Variants in MDM1 observed in about 807,000 individuals in gnomAD.
MDM1 encodes the protein Mdm1 nuclear protein.
In MDM1, 61 loss-of-function variants were observed where a neutral mutation model predicts 89.1. The ratio of observed to expected loss-of-function variants is 0.68; its 90% CI spans 0.56 to 0.85. The LOEUF (loss-of-function observed/expected upper bound fraction) is 0.85, where lower values mean the gene tolerates loss of function less well. Among genes scored for constraint, MDM1 ranks in the 40% least tolerant of loss-of-function variants. The pLI is 0.00. For synonymous variants in MDM1, 290 were observed against 294.1 expected (o/e 0.99, Z 0.14); for missense variants, 820 against 846.5 (o/e 0.97, Z 0.39).
intron 3 of MDM1, chr12:68,326,377 G>A: frequency 7.0e-7 from 1 of 1,434,672 alleles, no homozygotes; most frequent in Non-Finnish European, 9.1e-7. Flanking sequence ...CTCTCCCTTA[G>A]GACTCAGGTG....
rs750688989 is a variant in MDM1 at position 68,316,061 on chromosome 12, C to T, written c.1211+17G>A. On this transcript the variant is annotated intron_variant, in intron 9 of 14. Coordinates refer to ENST00000682720, the MANE Select transcript of MDM1 (RefSeq NM_001354969.2). ...GCTTCAACAAACTTTTTTTGCCATC[C>T]ACAAAGAATATCTCACCCAGCAAGA... The T allele has an allele frequency of 6.4e-7, 1 of 1,570,820 alleles. No individual in the cohort carries two copies. The highest frequency in any genetic ancestry group is 8.6e-7 in the Non-Finnish European group (1 of 1,158,054).
chr12:68,302,664 C>T lies in MDM1; in HGVS notation c.1958G>A (p.Arg653Gln), dbSNP rs1180512506. The T allele has an allele frequency of 2.5e-6, 4 of 1,613,562 alleles. No homozygotes were observed. The highest frequency in any genetic ancestry group is 1.3e-5 in the African/African-American group (1 of 74,820). Residue 653 changes from arginine (R) to glutamine (Q), a missense_variant, in exon 13 of 15, where the codon CGA (arginine) becomes CAA (glutamine). Transcript: ENST00000682720. ...PHVPSYWHPSRRIQGSLRDPE... is the reference protein window; with the variant it reads ...PHVPSYWHPSQRIQGSLRDPE... ...ATCTCTAAGAGAGCCCTGAATTCGT[C>T]GAGAGGGATGCCAGTAGGATGGAAC...
At chr12:68,303,007 G>T in intron 12 of MDM1, 135 bp from the exon 13 acceptor site, 1 of 767,692 alleles carries the variant, frequency 1.3e-6, no homozygotes, top group Non-Finnish European at 2.0e-6. Context: ...CAACATCTAT[G>T]TGGGGAAGAT....
intron 14 of MDM1, 24 bp from the exon 15 acceptor site, chr12:68,295,390 T>A (rs751772294): frequency 6.2e-6 from 9 of 1,446,638 alleles, no homozygotes; most frequent in Non-Finnish European, 7.7e-6. Context: ...ATCCCGAGAT[T>A]ATATTCATTG....
intron 7 of MDM1, among the ~76,000 whole-genome samples, chr12:68,318,143 C>T (rs1465813585): frequency 1.3e-5 from 2 of 152,120 alleles, no homozygotes; most frequent in East Asian, 1.9e-4. Context: ...CTCAGTGAGC[C>T]AACCTGTACA....
At chr12:68,297,019 A>T (rs754383480) in intron 13 of MDM1, 37 bp from the exon 14 acceptor site, 1 of 1,507,074 alleles carries the variant, frequency 6.6e-7, no homozygotes, top group Admixed American at 2.0e-5. Flanking sequence ...TATCCTTCAA[A>T]AGCCACTGAA....
intron 13 of MDM1, among the ~76,000 whole-genome samples, chr12:68,300,476 T>C (rs1453008519): frequency 6.6e-6 from 1 of 152,142 alleles, no homozygotes; most frequent in Non-Finnish European, 1.5e-5. Context: ...GGAAAAGATA[T>C]TCCATGCAAA....
chr12:68,318,636 G>A (rs1874809459), intron 7 of MDM1, among the ~76,000 whole-genome samples: 1 of 151,836 alleles, frequency 6.6e-6, no homozygotes, highest in African/African-American at 2.4e-5. Flanking sequence ...AAAAAGAGGA[G>A]GAAAAAAATC....
chr12:68,316,294 C>T (rs774661879), intron 8 of MDM1, 41 bp from the exon 9 acceptor site: 17 of 1,545,278 alleles, frequency 1.1e-5, no homozygotes, highest in Non-Finnish European at 1.4e-5. Context: ...ATTGTAAATG[C>T]TTCTTTACAA....
chr12:68,301,047 T>C (rs952085570), intron 13 of MDM1, among the ~76,000 whole-genome samples: 1 of 152,190 alleles, frequency 6.6e-6, no homozygotes, highest in Middle Eastern at 3.2e-3. Flanking sequence ...AATAATCTGC[T>C]CTTGAATGAT....
intron 2 of MDM1, chr12:68,327,562 C>T (rs1876190518): frequency 1.3e-6 from 2 of 1,486,438 alleles, no homozygotes; most frequent in Non-Finnish European, 1.8e-6. Context: ...GATACAATTT[C>T]TCTATATTTC....
intron 5 of MDM1, among the ~76,000 whole-genome samples, chr12:68,322,167 G>A (rs1461724053): frequency 1.3e-5 from 2 of 151,946 alleles, no homozygotes; most frequent in Admixed American, 6.6e-5. Flanking sequence ...AACATTCCAG[G>A]AGATTCAAAA....
At chr12:68,310,615 G>A (rs11177159) in intron 12 of MDM1, among the ~76,000 whole-genome samples, 12,311 of 152,128 alleles carry the variant, frequency 0.081, 1,626 homozygotes, top group African/African-American at 0.28. Flanking sequence ...TAATAAACCA[G>A]TGTATACATA....
intron 13 of MDM1, among the ~76,000 whole-genome samples, chr12:68,302,139 T>A (rs142864413): frequency 1.3e-5 from 2 of 152,164 alleles, no homozygotes; most frequent in East Asian, 1.9e-4. Context: ...GAAGAGAAGA[T>A]CCCAAAAGCT....
chr12:68,332,229 T>C lies in MDM1; in HGVS notation c.17A>G (p.Lys6Arg), dbSNP rs1876944761. 1.9e-6 allele frequency: 3 copies of C among 1,579,954 alleles called. No homozygotes were observed. The highest frequency in any genetic ancestry group is 2.6e-6 in the Non-Finnish European group (3 of 1,163,644). The part of the protein sequence containing the change: MPVRF[K>R]GLSEYQRNFL... ...CCGGCCCGGGGACCCCAGCCTCACCTTGAAGCGCACCGGCATGTCGCCCGG... is the reference window on the plus strand; with the variant it reads ...CCGGCCCGGGGACCCCAGCCTCACCCTGAAGCGCACCGGCATGTCGCCCGG... Residue 6 changes from lysine (K) to arginine (R), a missense_variant and splice_region_variant, in exon 1 of 15, where the codon AAG becomes AGG. Physicochemically the swap from Lys to Arg is conservative, Grantham distance 26. Coordinates refer to ENST00000682720, the MANE Select transcript of MDM1 (RefSeq NM_001354969.2).
At chr12:68,316,319 C>T in intron 8 of MDM1, 66 bp from the exon 9 acceptor site, 1 of 1,484,758 alleles carries the variant, frequency 6.7e-7, no homozygotes, top group Non-Finnish European at 9.1e-7. Context: ...CACCAAGTAG[C>T]ATATCAAAGA....
At chr12:68,322,588 C>T (rs529561664) in intron 5 of MDM1, among the ~76,000 whole-genome samples, 9 of 152,184 alleles carry the variant, frequency 5.9e-5, no homozygotes, top group East Asian at 1.9e-4. Context: ...GAGCCGAGAT[C>T]GTGCCACTGC....
intron 12 of MDM1, among the ~76,000 whole-genome samples, chr12:68,305,179 C>A (rs1185264807): frequency 6.6e-6 from 1 of 152,094 alleles, no homozygotes; most frequent in Non-Finnish European, 1.5e-5. Context: ...ATGATCATCT[C>A]AATACATGTA....
chr12:68,306,521 A>C (rs926697942), intron 12 of MDM1, among the ~76,000 whole-genome samples: 1 of 152,214 alleles, frequency 6.6e-6, no homozygotes, highest in Non-Finnish European at 1.5e-5. Flanking sequence ...TAATATCCAG[A>C]ATCTATAAGG....
Sources: allele counts gnomAD v4.1 joint callset (sites outside exome capture counted in the v4.1 genomes callset), GRCh38; gene constraint gnomAD v4.1.1; transcripts MANE v1.5; gene names NCBI Gene and HGNC (gene_info 2026-07-23, HGNC 2026-07-21).